The following NAV3 variants were observed in gnomAD, a reference collection of about 807,000 sequenced individuals.
NAV3 encodes pore membrane and/or filament interacting like protein 1.
Under a neutral mutation model 244.7 loss-of-function variants are expected in NAV3, and 87 were observed. That is an observed-to-expected ratio of 0.36 (90% CI 0.30 to 0.42). NAV3 has a LOEUF of 0.42. Ranked by LOEUF, NAV3 falls within the 20% of genes least tolerant of loss-of-function variation. The pLI, the probability that NAV3 is intolerant of heterozygous loss-of-function variation, is 1.00. For synonymous variants in NAV3, 1,126 were observed against 1,042.2 expected (o/e 1.08, Z -1.55); for missense variants, 2,663 against 2,893.3 (o/e 0.92, Z 1.83).
Position 78,128,690 on chromosome 12 carries a change from C to T in NAV3, c.4281-16C>T, listed in dbSNP as rs2138847073. Reference sequence around the variant, plus strand: ...TTGTAGATGTGCTTAAGTGTCATAGCTGTGCTGTTTTGCAGATATACCCCA... The same window carrying T: ...TTGTAGATGTGCTTAAGTGTCATAGTTGTGCTGTTTTGCAGATATACCCCA... On this transcript the variant is annotated splice_polypyrimidine_tract_variant and intron_variant, in intron 17 of 39. Transcript: ENST00000397909. 3 of 1,611,366 alleles carry T rather than the reference C, an allele frequency of 1.9e-6. No individual in the cohort carries two copies. The East Asian group carries it at 6.7e-5, about 36-fold the overall frequency.
chr12:78,131,924 A>G, intron 18 of NAV3, among the ~76,000 whole-genome samples: 1 of 152,188 alleles, frequency 6.6e-6, no homozygotes, highest in East Asian at 1.9e-4. Flanking sequence ...TTAATTGAGT[A>G]GTAATTCGCA....
chr12:77,928,222 CAAAAAAAAA>C (rs759919821), intron 1 of NAV3, among the ~76,000 whole-genome samples: 1 of 80,530 alleles, frequency 1.2e-5, no homozygotes, highest in African/African-American at 5.1e-5. Flanking sequence ...GGCTCCGCCT[CAAAAAAAAA>C]AAAAAAAAAA....
chr12:77,616,698 C>T (rs1208404369), intron 2 of NAV3, among the ~76,000 whole-genome samples: 1 of 151,668 alleles, frequency 6.6e-6, no homozygotes, highest in Non-Finnish European at 1.5e-5. Flanking sequence ...CATGCACACA[C>T]AAAACCTGCT....
chr12:77,901,480 C>T (rs577091782), intron 1 of NAV3, among the ~76,000 whole-genome samples: 6 of 152,136 alleles, frequency 3.9e-5, no homozygotes, highest in South Asian at 4.1e-4. Flanking sequence ...GAGGCTGAGG[C>T]GGGTGGATCA....
intron 2 of NAV3, among the ~76,000 whole-genome samples, chr12:77,687,397 A>G (rs1874805779): frequency 6.6e-6 from 1 of 151,996 alleles, no homozygotes. Context: ...TAGAGCCCAT[A>G]TTCATCAGTG....
intron 2 of NAV3, among the ~76,000 whole-genome samples, chr12:77,581,066 G>GT (rs1869342494): frequency 1.3e-5 from 2 of 152,136 alleles, no homozygotes; most frequent in Admixed American, 6.6e-5. Flanking sequence ...AGGGAGGCTG[G>GT]CCCAGGACTG....
intron 2 of NAV3, among the ~76,000 whole-genome samples, chr12:77,797,428 A>T (rs1871461000): frequency 6.6e-6 from 1 of 151,486 alleles, no homozygotes; most frequent in Non-Finnish European, 1.5e-5. Context: ...GTTTGTTATT[A>T]TAGATTTTAT....
At chr12:77,681,073 A>C (rs940554244) in intron 2 of NAV3, among the ~76,000 whole-genome samples, 6 of 152,134 alleles carry the variant, frequency 3.9e-5, no homozygotes, top group Non-Finnish European at 7.4e-5. Context: ...AAATTTGCCT[A>C]GTATTTTTTT....
intron 12 of NAV3, among the ~76,000 whole-genome samples, chr12:78,062,204 T>C (rs1884423549): frequency 2.0e-5 from 3 of 152,140 alleles, no homozygotes; most frequent in African/African-American, 7.2e-5. Context: ...GTAGCTAGCA[T>C]ACTGTAGGAA....
chr12:77,711,213 G>A (rs776108542), intron 2 of NAV3, among the ~76,000 whole-genome samples: 18 of 152,100 alleles, frequency 1.2e-4, no homozygotes, highest in Non-Finnish European at 2.1e-4. Context: ...CTTACTTTGC[G>A]TCAGAATTAC....
At chr12:77,957,994 G>A (rs1376658610) in intron 3 of NAV3, among the ~76,000 whole-genome samples, 1 of 152,076 alleles carries the variant, frequency 6.6e-6, no homozygotes, top group Non-Finnish European at 1.5e-5. Flanking sequence ...CACACTCTAT[G>A]GTTGATATGT....
At chr12:78,154,169 T>A (rs1957185564) in intron 22 of NAV3, among the ~76,000 whole-genome samples, 1 of 129,430 alleles carries the variant, frequency 7.7e-6, no homozygotes, top group African/African-American at 2.8e-5. Flanking sequence ...TATACCTTCA[T>A]AACATACATA....
At chr12:77,783,537 G>A (rs1870769187) in intron 2 of NAV3, 1 of 152,184 alleles carries the variant, frequency 6.6e-6, no homozygotes, top group Non-Finnish European at 1.5e-5. Context: ...GGATGAGGGG[G>A]GATTTGGCTA....
rs562216344 is a variant in NAV3, at chr12:77,977,825, C to T, written c.671+9123C>T. Among the ~76,000 whole-genome samples the T allele has an allele frequency of 2.0e-5, 3 of 151,834 alleles. No individual in the cohort carries two copies. In the South Asian group the frequency reaches 6.2e-4, roughly 32 times the overall value. The stretch of plus-strand genomic sequence containing the variant: ...TCTGAAAGTCTGGTAAAAGTTGATA[C>T]TTGTTTGAATTGATGCATAAAATAG... On this transcript the variant is annotated intron_variant, in intron 5 of 39. Coordinates refer to ENST00000397909, the MANE Select transcript of NAV3 (RefSeq NM_001024383.2).
rs1253838578 is a variant in NAV3 at position 78,122,330 on chromosome 12, C to T, written c.4140C>T (p.Leu1380=). The part of the protein sequence containing the change: ...HTSSESIDLP[L]SHHGSLSGLT... The stretch of plus-strand genomic sequence containing the variant: ...GCTCTGAGTCCATTGACCTCCCCCT[C>T]AGCCATCATGGCTCCTTGTCTGGAC... The change falls in exon 16 of 40, where the codon CTC becomes CTT. Residue 1380 remains leucine (L), a synonymous_variant. Coordinates refer to ENST00000397909, the MANE Select transcript of NAV3 (RefSeq NM_001024383.2). The T allele has an allele frequency of 3.1e-6, 5 of 1,614,058 alleles. No homozygotes were observed. Among genetic ancestry groups the T allele is most frequent in the Non-Finnish European group, 4.2e-6 (5 of 1,180,040 alleles).
chr12:78,157,309 G>A (rs569201971), intron 22 of NAV3, among the ~76,000 whole-genome samples: 4 of 151,760 alleles, frequency 2.6e-5, no homozygotes, highest in Admixed American at 6.6e-5. Context: ...AACACTTTGC[G>A]GGGCCAAGGT....
At chr12:78,119,118 CAA>C in intron 14 of NAV3, 117 bp from the exon 15 acceptor site, 1 of 1,089,370 alleles carries the variant, frequency 9.2e-7, no homozygotes, top group Admixed American at 2.3e-5. Flanking sequence ...TGATCTAAGA[CAA>C]TACATTTAGG....
intron 3 of NAV3, among the ~76,000 whole-genome samples, chr12:77,955,025 T>G (rs1257444382): frequency 6.6e-6 from 1 of 152,150 alleles, no homozygotes; most frequent in Non-Finnish European, 1.5e-5. Context: ...GAGCCCTTAC[T>G]TATTTCTGTG....
intron 7 of NAV3, among the ~76,000 whole-genome samples, chr12:78,005,965 G>A (rs1007998115): frequency 1.3e-5 from 2 of 152,124 alleles, no homozygotes; most frequent in African/African-American, 4.8e-5. Flanking sequence ...CTGGAGGGCA[G>A]CAGTGAGATC....
Sources: gnomAD v4.1 joint callset for allele counts (sites outside exome capture counted in the v4.1 genomes callset) on GRCh38, gnomAD v4.1.1 for gene constraint, MANE v1.5 for transcripts, NCBI Gene and HGNC (gene_info 2026-07-23, HGNC 2026-07-21) for gene names.